The following DRICH1 variants were observed in gnomAD, a reference collection of about 807,000 sequenced individuals.
DRICH1 encodes the protein aspartate-rich protein 1.
A neutral mutation model predicts 39.5 loss-of-function variants in DRICH1; 38 were observed. The ratio of observed to expected loss-of-function variants is 0.96; its 90% CI spans 0.74 to 1.26. DRICH1 has a LOEUF of 1.26. Among genes scored for constraint, DRICH1 ranks in the 50% most tolerant of loss-of-function variants. The pLI, the probability that DRICH1 is intolerant of heterozygous loss-of-function variation, is 0.00. For synonymous variants in DRICH1, 84 were observed against 99.5 expected, an observed-to-expected ratio of 0.84 and a Z score of 0.93; for missense variants, 279 against 270.4, an observed-to-expected ratio of 1.03 and a Z score of -0.22.
At chr22:23,629,150 T>A (rs947117679) in intron 1 of DRICH1, among the ~76,000 whole-genome samples, 1 of 152,078 alleles carries the variant, frequency 6.6e-6, no homozygotes, top group Non-Finnish European at 1.5e-5. Context: ...GTGATTCTCC[T>A]GCCTCAACCT....
At position 23,625,596 on chromosome 22, in the gene DRICH1, G is replaced by A. The variant is rs146394816; in HGVS notation, c.276+385C>T. Among the ~76,000 whole-genome samples, 586 of 152,166 alleles carry A rather than the reference G, an allele frequency of 3.9e-3. 2 individuals are homozygous for A. Among genetic ancestry groups the A allele is most frequent in the Middle Eastern group, 6.8e-3 (2 of 294 alleles). On this transcript the variant is annotated intron_variant, in intron 2 of 11. Transcript: ENST00000317749. The stretch of plus-strand genomic sequence containing the variant: ...CTTATCAGCCTGCCCAACTACTTAG[G>A]TCATAAGTCAAATACTTGAAGAGAC...
rs192369841 is a variant in DRICH1, at chr22:23,626,503, C to T, written c.209-455G>A. Among the ~76,000 whole-genome samples, 10 of 152,282 alleles carry T rather than the reference C, an allele frequency of 6.6e-5. No homozygotes were observed. In the East Asian group the frequency reaches 1.9e-3, roughly 29 times the overall value. ...TTGGTTCTGACTTCATTGCCCTTTT[C>T]CTAGGTTCCAAAGCAACAGGTGTCA... On this transcript the variant is annotated intron_variant, in intron 1 of 11. Coordinates refer to ENST00000317749, the MANE Select transcript of DRICH1 (RefSeq NM_016449.4).
chr22:23,607,539 G>GGC (rs1555908370), downstream of DRICH1, among the ~76,000 whole-genome samples: 20 of 9,374 alleles, frequency 2.1e-3, no homozygotes, highest in African/African-American at 0.01. Context: ...TGGCGGGGGC[G>GGC]GGGGGGGGCC....
At chr22:23,625,149 G>T (rs946602557) in intron 2 of DRICH1, among the ~76,000 whole-genome samples, 12 of 152,176 alleles carry the variant, frequency 7.9e-5, no homozygotes, top group African/African-American at 2.9e-4. Context: ...GAGGAAAACT[G>T]GTGTGGAGGA....
chr22:23,607,084 T>C (rs542739952), downstream of DRICH1: 2 of 152,836 alleles, frequency 1.3e-5, no homozygotes, highest in African/African-American at 4.8e-5. Flanking sequence ...CGCTCACTGA[T>C]GTGGAAGCTG....
At chr22:23,599,458 T>C in the DRICH1 span, among the ~76,000 whole-genome samples, 1,467 of 152,272 alleles carry the variant, frequency 9.6e-3, 17 homozygotes, top group South Asian at 0.043. Flanking sequence ...CCCCTGCCCC[T>C]ATTAAGGCCT....
At chr22:23,596,419 T>C in the DRICH1 span, among the ~76,000 whole-genome samples, 1 of 149,978 alleles carries the variant, frequency 6.7e-6, no homozygotes, top group African/African-American at 2.4e-5. Flanking sequence ...GGCACCCCCG[T>C]TTATTTTTAT....
At chr22:23,589,781 C>T in the DRICH1 span, among the ~76,000 whole-genome samples, 11 of 152,284 alleles carry the variant, frequency 7.2e-5, no homozygotes, top group African/African-American at 2.4e-4. Flanking sequence ...CAGCAGATAC[C>T]TTGGTGTTAC....
chr22:23,597,539 A>C, the DRICH1 span, among the ~76,000 whole-genome samples: 1 of 151,898 alleles, frequency 6.6e-6, no homozygotes, highest in Non-Finnish European at 1.5e-5. Context: ...AAAGAAAAGT[A>C]CATAAATACA....
At chr22:23,615,782 C>G (rs1240316777) in intron 8 of DRICH1, among the ~76,000 whole-genome samples, 1 of 152,150 alleles carries the variant, frequency 6.6e-6, no homozygotes, top group East Asian at 1.9e-4. Context: ...GAAATTCAGA[C>G]AGCATGGTTC....
At chr22:23,611,392 ATTT>A (rs11339572) in intron 11 of DRICH1, among the ~76,000 whole-genome samples, 2 of 138,028 alleles carry the variant, frequency 1.4e-5, no homozygotes, top group Non-Finnish European at 1.6e-5. Flanking sequence ...ATTTTCATTC[ATTT>A]TTTTTTTTTT....
At chr22:23,621,989 T>C in intron 4 of DRICH1, 102 bp downstream of exon 4, 1 of 1,027,388 alleles carries the variant, frequency 9.7e-7, no homozygotes, top group Admixed American at 2.0e-5. Context: ...ACTTTTGTTG[T>C]TTATAGCTCC....
At chr22:23,611,083 G>T (rs34549029) in intron 11 of DRICH1, among the ~76,000 whole-genome samples, 5,516 of 152,226 alleles carry the variant, frequency 0.036, 140 homozygotes, top group East Asian at 0.071. Context: ...TCTGACCCAT[G>T]GAGCAATGGG....
At chr22:23,582,813 A>G in the DRICH1 span, among the ~76,000 whole-genome samples, 2 of 151,912 alleles carry the variant, frequency 1.3e-5, no homozygotes, top group African/African-American at 4.8e-5. Flanking sequence ...AGCCCACCTC[A>G]GCCTCCCAAA....
intron 11 of DRICH1, among the ~76,000 whole-genome samples, chr22:23,612,466 C>CAAAAAAAAAAAAAAAAAAAAAAAAAAAA (rs1211963554): frequency 4.0e-5 from 1 of 24,856 alleles, no homozygotes; most frequent in Non-Finnish European, 9.5e-5. Context: ...GACTCCATCT[C>CAAAAAAAAAAAAAAAAAAAAAAAAAAAA]AAAAAAAAAA....
intron 1 of DRICH1, among the ~76,000 whole-genome samples, chr22:23,628,260 G>C (rs1246400569): frequency 2.6e-5 from 4 of 152,086 alleles, no homozygotes; most frequent in Non-Finnish European, 4.4e-5. Context: ...GTGCTAGGGG[G>C]CTCTGTCCAG....
rs779729064 is a variant in DRICH1 at position 23,624,906 on chromosome 22, T to C, written c.277-2A>G. On this transcript the variant is annotated splice_acceptor_variant, in intron 2 of 11. Coordinates refer to ENST00000317749, the MANE Select transcript of DRICH1 (RefSeq NM_016449.4). LOFTEE classifies it high-confidence loss of function. ...ACCCTGGACAGGTGATGGTAAAATC[T>C]GCAATGAGACAAAAGAAGATGCTAT... 6.8e-6 allele frequency: 11 copies of C among 1,613,414 alleles called. No individual in the cohort carries two copies. Among genetic ancestry groups the C allele is most frequent in the Non-Finnish European group, 7.6e-6 (9 of 1,179,468 alleles).
At chr22:23,619,311 G>T (rs1418682537) in intron 6 of DRICH1, 53 bp downstream of exon 6, 1 of 777,400 alleles carries the variant, frequency 1.3e-6, no homozygotes, top group African/African-American at 1.7e-5. Context: ...TCATGGATAG[G>T]AAGACTCAGC....
In DRICH1 at chr22:23,632,013, A is replaced by G. The variant is rs3827318; in HGVS notation, c.11T>C (p.Ile4Thr). Residue 4 changes from isoleucine (I) to threonine (T), a missense_variant, in exon 1 of 12, where the codon ATA becomes ACA. Coordinates refer to ENST00000317749, the MANE Select transcript of DRICH1 (RefSeq NM_016449.4). The part of the protein sequence containing the change: MGN[I>T]LTCCINSHCG... ...GTGGGAGTTGATACAACAGGTCAGT[A>G]TATTCCCCATGGGGCCTCTCCATGC... 205,572 of 1,612,676 alleles carry G rather than the reference A, an allele frequency of 0.13. 13,953 individuals carry two copies. Among genetic ancestry groups the G allele is most frequent in the East Asian group, 0.24 (10,876 of 44,856 alleles).
Sources: allele counts gnomAD v4.1 joint callset (sites outside exome capture counted in the v4.1 genomes callset), GRCh38; gene constraint gnomAD v4.1.1; transcripts MANE v1.5; gene names NCBI Gene and HGNC (gene_info 2026-07-23, HGNC 2026-07-21).